MECOM: variants seen among roughly 807,000 people sequenced by gnomAD.
The protein encoded by MECOM is histone-lysine N-methyltransferase MECOM.
A neutral mutation model predicts 116.3 loss-of-function variants in MECOM; 13 were observed. That is an observed-to-expected ratio of 0.11 (90% CI 0.07 to 0.18). MECOM has a LOEUF of 0.18. Among genes scored for constraint, MECOM ranks in the 10% least tolerant of loss-of-function variants. The probability of loss-of-function intolerance (pLI) is 1.00; values close to 1 mark genes in which losing one functional copy is unlikely to be tolerated. For missense variants in MECOM, 1,299 were observed against 1,509.0 expected, an observed-to-expected ratio of 0.86 and a Z score of 2.31; for synonymous variants, 528 against 535.2, an observed-to-expected ratio of 0.99 and a Z score of 0.19.
At chr3:169,643,996 A>G (rs77508051) in intron 1 of MECOM, among the ~76,000 whole-genome samples, 2,576 of 152,244 alleles carry the variant, frequency 0.017, 46 homozygotes, top group South Asian at 0.057. Context: ...ACCCCCTCGT[A>G]CGCATTGCCT....
chr3:169,187,332 C>G (rs2149411850), intron 2 of MECOM, among the ~76,000 whole-genome samples: 1 of 152,286 alleles, frequency 6.6e-6, no homozygotes, highest in South Asian at 2.1e-4. Context: ...GTTTCTCATT[C>G]TTTACCAAGG....
intron 2 of MECOM, among the ~76,000 whole-genome samples, chr3:169,312,421 T>G (rs1467210487): frequency 1.4e-5 from 2 of 139,516 alleles, no homozygotes; most frequent in South Asian, 4.4e-4. Flanking sequence ...CAGGCTGGAG[T>G]GCAGTGGCGC....
intron 2 of MECOM, among the ~76,000 whole-genome samples, chr3:169,173,832 G>A (rs1744782391): frequency 6.6e-6 from 1 of 152,174 alleles, no homozygotes; most frequent in Non-Finnish European, 1.5e-5. Context: ...CGGGCTGAAG[G>A]CCAAGGAACT....
chr3:169,431,442 C>T (rs768461664), intron 1 of MECOM, among the ~76,000 whole-genome samples: 19 of 152,092 alleles, frequency 1.2e-4, no homozygotes, highest in Non-Finnish European at 2.1e-4. Context: ...TTATCAAAAC[C>T]GGGGTCTTCC....
intron 2 of MECOM, among the ~76,000 whole-genome samples, chr3:169,173,604 C>T (rs758585027): frequency 8.5e-5 from 13 of 152,166 alleles, no homozygotes; most frequent in Non-Finnish European, 1.6e-4. Flanking sequence ...CAAGCTTTGT[C>T]GATTGCATTT....
At chr3:169,093,127 T>C (rs756503867) in intron 13 of MECOM, 25 bp from the exon 14 acceptor site, 3 of 1,564,916 alleles carry the variant, frequency 1.9e-6, no homozygotes, top group Non-Finnish European at 2.6e-6. Flanking sequence ...AAGCCTTTTA[T>C]GACAAAGATT....
chr3:169,576,838 C>CACACAGAGAGAGAGAG (rs368016499), intron 1 of MECOM, among the ~76,000 whole-genome samples: 7 of 125,008 alleles, frequency 5.6e-5, no homozygotes, highest in Admixed American at 8.3e-5. Context: ...CACACACACA[C>CACACAGAGAGAGAGAG]AGAGAGAGAG....
At chr3:169,104,714 C>T (rs535856445) in intron 10 of MECOM, among the ~76,000 whole-genome samples, 110 of 152,248 alleles carry the variant, frequency 7.2e-4, no homozygotes, top group African/African-American at 2.5e-3. Context: ...GACTATTATT[C>T]TCGGCTTTCA....
At chr3:169,322,997 T>TAAAAAAAAAAAAA (rs748984561) in intron 2 of MECOM, among the ~76,000 whole-genome samples, 2 of 56,048 alleles carry the variant, frequency 3.6e-5, no homozygotes, top group Non-Finnish European at 6.7e-5. Flanking sequence ...AAGACTCCGG[T>TAAAAAAAAAAAAA]AAAAAAAAAA....
intron 1 of MECOM, among the ~76,000 whole-genome samples, chr3:169,391,618 G>A (rs1734205508): frequency 6.6e-6 from 1 of 152,064 alleles, no homozygotes; most frequent in Admixed American, 6.5e-5. Context: ...GATTAAAAAT[G>A]TTTGCAGAAA....
intron 3 of MECOM, chr3:169,134,080 G>T (rs1735611454): frequency 4.1e-6 from 2 of 489,184 alleles, no homozygotes; most frequent in East Asian, 7.1e-5. Flanking sequence ...TCTCTATTGG[G>T]GAATACTACT....
intron 2 of MECOM, among the ~76,000 whole-genome samples, chr3:169,316,833 A>G (rs1026818526): frequency 1.3e-5 from 2 of 152,222 alleles, no homozygotes; most frequent in East Asian, 3.9e-4. Context: ...GATTATAGGC[A>G]TGAGCCACTG....
chr3:169,232,669 A>C (rs1028932104), intron 2 of MECOM, among the ~76,000 whole-genome samples: 2 of 151,950 alleles, frequency 1.3e-5, no homozygotes, highest in South Asian at 2.1e-4. Flanking sequence ...ATATGTATAC[A>C]CATATTTTTA....
intron 14 of MECOM, 41 bp from the exon 15 acceptor site, chr3:169,090,277 A>T (rs779702694): frequency 1.3e-6 from 2 of 1,540,364 alleles, no homozygotes; most frequent in Admixed American, 2.1e-5. Context: ...TGTTGGTTTC[A>T]TTTTTAAAAT....
intron 6 of MECOM, among the ~76,000 whole-genome samples, chr3:169,122,359 C>T (rs1212802059): frequency 1.3e-5 from 2 of 152,196 alleles, no homozygotes; most frequent in African/African-American, 2.4e-5. Context: ...CTGGAACTCA[C>T]CATTAAGCCT....
At chr3:169,183,577 A>G (rs544627062) in intron 2 of MECOM, among the ~76,000 whole-genome samples, 19 of 152,166 alleles carry the variant, frequency 1.2e-4, no homozygotes, top group Non-Finnish European at 2.4e-4. Flanking sequence ...CAGCAACAGC[A>G]GGAGGAGGAG....
chr3:169,330,751 G>T (rs774831668), intron 2 of MECOM, among the ~76,000 whole-genome samples: 39 of 151,770 alleles, frequency 2.6e-4, no homozygotes, highest in Non-Finnish European at 1.0e-4. Flanking sequence ...CTGTAGAAAA[G>T]AAATTTCATA....
intron 1 of MECOM, among the ~76,000 whole-genome samples, chr3:169,506,227 G>A (rs1755201604): frequency 6.6e-6 from 1 of 152,198 alleles, no homozygotes; most frequent in Non-Finnish European, 1.5e-5. Context: ...ACAACAGCTT[G>A]AGAAATCTTC....
intron 1 of MECOM, among the ~76,000 whole-genome samples, chr3:169,475,096 A>G (rs983135650): frequency 1.3e-5 from 2 of 152,230 alleles, no homozygotes; most frequent in African/African-American, 4.8e-5. Context: ...GTAAACAATC[A>G]GAACAGAGTC....
Sources: allele counts gnomAD v4.1 joint callset (sites outside exome capture counted in the v4.1 genomes callset), GRCh38; gene constraint gnomAD v4.1.1; transcripts MANE v1.5; gene names NCBI Gene and HGNC (gene_info 2026-07-23, HGNC 2026-07-21).